Variants in AK5 observed in about 807,000 individuals in gnomAD.
The protein encoded by AK5 is adenylate kinase isoenzyme 5.
A neutral mutation model predicts 69.5 loss-of-function variants in AK5; 27 were observed. The observed-to-expected ratio is 0.39, with a 90% CI of 0.29 to 0.54. The LOEUF (loss-of-function observed/expected upper bound fraction) is 0.54. AK5 is among the 20% of genes least tolerant of loss of function. AK5 has a pLI of 0.71. For synonymous variants in AK5, 260 were observed against 244.4 expected (o/e 1.06, Z -0.60); for missense variants, 531 against 700.4 (o/e 0.76, Z 2.73).
chr1:77,530,901 C>T (rs1407958622), intron 12 of AK5, among the ~76,000 whole-genome samples: 1 of 152,048 alleles, frequency 6.6e-6, no homozygotes, highest in Non-Finnish European at 1.5e-5. Context: ...ACTTCTCCTC[C>T]CGCTCCACTT....
At chr1:77,498,716 C>T (rs1656513208) in intron 10 of AK5, among the ~76,000 whole-genome samples, 1 of 152,110 alleles carries the variant, frequency 6.6e-6, no homozygotes, top group African/African-American at 2.4e-5. Context: ...GGGAGACATC[C>T]AATGAGAGGG....
intron 5 of AK5, among the ~76,000 whole-genome samples, chr1:77,330,676 A>C (rs1249021375): frequency 6.6e-6 from 1 of 152,194 alleles, no homozygotes; most frequent in African/African-American, 2.4e-5. Context: ...CTTGAAGATC[A>C]CCTTGGTTAT....
intron 6 of AK5, 40 bp downstream of exon 6, chr1:77,340,608 C>T (rs1272075328): frequency 8.9e-6 from 14 of 1,576,712 alleles, no homozygotes; most frequent in Non-Finnish European, 1.1e-5. Flanking sequence ...TACAAGAGCG[C>T]TCTTTCAGAT....
chr1:77,428,677 T>C (rs1651379092), intron 8 of AK5, among the ~76,000 whole-genome samples: 1 of 152,184 alleles, frequency 6.6e-6, no homozygotes, highest in Admixed American at 6.5e-5. Context: ...TATGTATACA[T>C]GTGCCATGTT....
intron 6 of AK5, among the ~76,000 whole-genome samples, chr1:77,407,080 TA>T (rs61188538): frequency 0.16 from 23,659 of 146,574 alleles, 2,007 homozygotes; most frequent in African/African-American, 0.21. Context: ...CATAATGAGG[TA>T]AAAAAAAAAA....
intron 6 of AK5, among the ~76,000 whole-genome samples, chr1:77,406,042 A>G (rs1185287862): frequency 6.6e-6 from 1 of 152,198 alleles, no homozygotes; most frequent in African/African-American, 2.4e-5. Flanking sequence ...CCATCCCTCA[A>G]AAGTTCAAGG....
At chr1:77,506,415 G>C (rs1173310404) in intron 10 of AK5, among the ~76,000 whole-genome samples, 4 of 152,104 alleles carry the variant, frequency 2.6e-5, no homozygotes, top group Admixed American at 2.6e-4. Flanking sequence ...GATGGGGTTA[G>C]GGTGCTGTGA....
At chr1:77,312,622 A>C (rs1162509923) in intron 5 of AK5, among the ~76,000 whole-genome samples, 3 of 152,102 alleles carry the variant, frequency 2.0e-5, no homozygotes, top group Middle Eastern at 6.8e-3. Context: ...AAAAAAAAAA[A>C]AAAAAAACAA....
chr1:77,384,772 C>T (rs1384430390), intron 6 of AK5, among the ~76,000 whole-genome samples: 1 of 152,142 alleles, frequency 6.6e-6, no homozygotes, highest in East Asian at 1.9e-4. Context: ...TATATAATAG[C>T]ATCTATCAAA....
intron 8 of AK5, among the ~76,000 whole-genome samples, chr1:77,475,769 A>G (rs1265771915): frequency 6.6e-6 from 1 of 151,830 alleles, no homozygotes; most frequent in East Asian, 1.9e-4. Flanking sequence ...TTTATGGCCA[A>G]CATTAACTTT....
chr1:77,455,532 T>G (rs1653425464), intron 8 of AK5, among the ~76,000 whole-genome samples: 1 of 152,102 alleles, frequency 6.6e-6, no homozygotes, highest in South Asian at 2.1e-4. Flanking sequence ...GAAGGCATCA[T>G]CTATGAACAA....
chr1:77,345,731 G>A (rs376580906), intron 6 of AK5, among the ~76,000 whole-genome samples: 4 of 152,092 alleles, frequency 2.6e-5, no homozygotes, highest in African/African-American at 4.8e-5. Flanking sequence ...TTCACACTAC[G>A]ATTGCTTCAT....
intron 13 of AK5, among the ~76,000 whole-genome samples, chr1:77,545,243 TTCTC>T (rs1253580598): frequency 9.9e-5 from 15 of 152,046 alleles, no homozygotes; most frequent in Admixed American, 6.5e-4. Flanking sequence ...TCTGTTCTCT[TTCTC>T]TCTTTCTTTT....
intron 13 of AK5, among the ~76,000 whole-genome samples, chr1:77,554,770 T>TA (rs1311080376): frequency 1.0e-3 from 89 of 87,026 alleles, no homozygotes; most frequent in African/African-American, 2.7e-3. Flanking sequence ...CATGCCCGGC[T>TA]ATTTTTTTTT....
chr1:77,421,768 A>G (rs549006019), intron 8 of AK5, among the ~76,000 whole-genome samples: 4 of 152,148 alleles, frequency 2.6e-5, no homozygotes, highest in African/African-American at 9.6e-5. Context: ...CGCTTCACTC[A>G]TTCTTGGTTT....
At chr1:77,285,840 G>C (rs1285844171) in intron 1 of AK5, among the ~76,000 whole-genome samples, 7 of 151,830 alleles carry the variant, frequency 4.6e-5, no homozygotes, top group Admixed American at 2.6e-4. Context: ...TTAGACTTGA[G>C]CTTTGAGGGA....
At chr1:77,403,801 A>T (rs928763775) in intron 6 of AK5, among the ~76,000 whole-genome samples, 3 of 152,224 alleles carry the variant, frequency 2.0e-5, no homozygotes, top group African/African-American at 7.2e-5. Context: ...ATTCCATATG[A>T]ACTTTAAAGT....
At chr1:77,349,174 C>T (rs928222613) in intron 6 of AK5, among the ~76,000 whole-genome samples, 1 of 152,080 alleles carries the variant, frequency 6.6e-6, no homozygotes, top group Non-Finnish European at 1.5e-5. Flanking sequence ...ATGCTTAATA[C>T]GTGCCTAGTA....
At chr1:77,357,177 T>G (rs1662576624) in intron 6 of AK5, among the ~76,000 whole-genome samples, 1 of 152,190 alleles carries the variant, frequency 6.6e-6, no homozygotes, top group Non-Finnish European at 1.5e-5. Flanking sequence ...AAATAAACCT[T>G]ATGCTGGTGA....
Sources: allele counts gnomAD v4.1 joint callset (sites outside exome capture counted in the v4.1 genomes callset), GRCh38; gene constraint gnomAD v4.1.1; transcripts MANE v1.5; gene names NCBI Gene and HGNC (gene_info 2026-07-23, HGNC 2026-07-21).